The following ZRANB1 variants were observed in gnomAD, a reference collection of about 807,000 sequenced individuals.
ZRANB1 encodes zinc finger RANBP2-type containing 1.
ZRANB1 carries 16 observed loss-of-function variants against 80.5 expected under a neutral mutation model. The observed-to-expected ratio is 0.20, with a 90% CI of 0.13 to 0.30. The LOEUF (loss-of-function observed/expected upper bound fraction) is 0.30. Ranked by LOEUF, ZRANB1 falls within the 10% of genes least tolerant of loss-of-function variation. The pLI, the probability that ZRANB1 is intolerant of heterozygous loss-of-function variation, is 1.00. For synonymous variants in ZRANB1, 291 were observed against 293.1 expected, an observed-to-expected ratio of 0.99 and a Z score of 0.07; for missense variants, 576 against 862.6, an observed-to-expected ratio of 0.67 and a Z score of 4.16.
chr10:124,974,248 C>T lies in ZRANB1; in HGVS notation c.1277C>T (p.Thr426Ile). The T allele has an allele frequency of 1.9e-6, 3 of 1,614,266 alleles. No homozygotes were observed. The highest frequency in any genetic ancestry group is 2.5e-6 in the Non-Finnish European group (3 of 1,180,048). ...ATTAACTGGTCCTTGGAATTGGCTACACGTTTGGACAGTCGACTGTATGCA... is the reference window on the plus strand; with the variant it reads ...ATTAACTGGTCCTTGGAATTGGCTATACGTTTGGACAGTCGACTGTATGCA... ...PIINWSLELA[T>I]RLDSRLYALW... The change falls in exon 5 of 9, where the codon ACA becomes ATA. Residue 426 changes from threonine (T) to isoleucine (I), a missense_variant. Thr to Ile is a moderately conservative substitution (Grantham distance 89). This residue lies in a region of ZRANB1 where 411 missense variants were observed against 583.1 expected (regional missense o/e 0.70). Coordinates refer to ENST00000359653, the MANE Select transcript of ZRANB1 (RefSeq NM_017580.3).
the ZRANB1 span, among the ~76,000 whole-genome samples, chr10:124,924,194 T>A: frequency 6.6e-6 from 1 of 151,696 alleles, no homozygotes; most frequent in Non-Finnish European, 1.5e-5. Flanking sequence ...TTGATGAGCC[T>A]CCGCACCTGG....
chr10:124,976,544 CTT>C (rs1213348341), intron 5 of ZRANB1, among the ~76,000 whole-genome samples: 3 of 140,146 alleles, frequency 2.1e-5, no homozygotes, highest in Non-Finnish European at 4.6e-5. Context: ...AGCCAGTAAT[CTT>C]TTCTTTGGTG....
chr10:124,920,111 C>T, the ZRANB1 span, among the ~76,000 whole-genome samples: 130 of 151,582 alleles, frequency 8.6e-4, 1 homozygote, highest in Middle Eastern at 3.4e-3. Context: ...TTAGTAGAGA[C>T]AGGGTTTCAC....
the ZRANB1 span, among the ~76,000 whole-genome samples, chr10:124,926,874 G>A: frequency 1.3e-5 from 2 of 152,300 alleles, no homozygotes; most frequent in African/African-American, 4.8e-5. Context: ...TTTCAGCTTT[G>A]TTATATAATC....
intron 4 of ZRANB1, 100 bp downstream of exon 4, chr10:124,973,816 ATTTTT>A: frequency 1.9e-6 from 2 of 1,048,058 alleles, no homozygotes; most frequent in African/African-American, 1.6e-5. Context: ...AACTTGCTTT[ATTTTT>A]ATTTTAAATT....
At chr10:124,919,526 A>G in the ZRANB1 span, among the ~76,000 whole-genome samples, 2 of 151,624 alleles carry the variant, frequency 1.3e-5, no homozygotes, top group African/African-American at 4.8e-5. Flanking sequence ...CAGCCTGGGC[A>G]ACGGAGCAGG....
intron 1 of ZRANB1, among the ~76,000 whole-genome samples, chr10:124,952,757 C>T (rs2134257970): frequency 6.6e-6 from 1 of 152,086 alleles, no homozygotes; most frequent in South Asian, 2.1e-4. Flanking sequence ...ATTATAGGCG[C>T]CCGCCAACAT....
rs777643014 is a variant in ZRANB1, at chr10:124,942,768, T to C, written c.275T>C (p.Met92Thr). 9.3e-6 allele frequency: 15 copies of C among 1,614,114 alleles called. No individual in the cohort carries two copies. The highest frequency in any genetic ancestry group is 1.3e-5 in the African/African-American group (1 of 74,932). ...MENANKWSCH[M>T]CTYLNWPRAI... ...AATGCAAATAAGTGGTCATGCCACA[T>C]GTGTACATATTTGAACTGGCCAAGA... is the stretch of plus-strand genomic sequence containing the variant. Residue 92 changes from methionine (M) to threonine (T), a missense_variant, in exon 1 of 9, where the codon ATG becomes ACG. Met to Thr is a moderately conservative substitution (Grantham distance 81). Transcript: ENST00000359653.
rs1026419650 is a variant in ZRANB1, at chr10:124,987,881, AAAG to A, written c.*2894_*2896del. On this transcript the variant is annotated 3_prime_UTR_variant, in exon 9 of 9. Transcript: ENST00000359653. Reference sequence around the variant, plus strand: ...AGTATAAAGGTTTAATTCTATTTAAAAAGAAGATCCATTAAATCAAGCTCTTAA... The same window carrying A: ...AGTATAAAGGTTTAATTCTATTTAAAAAGATCCATTAAATCAAGCTCTTAA... 2.6e-5 allele frequency: 4 copies of A among 152,402 alleles called. No individual in the cohort carries two copies. The highest frequency in any genetic ancestry group is 3.8e-4 in the East Asian group (2 of 5,196). The allele number at this position is 152,402 out of a possible 1,614,324, so 9.4% of individuals were successfully genotyped here.
the ZRANB1 span, among the ~76,000 whole-genome samples, chr10:124,933,303 A>T: frequency 6.6e-6 from 1 of 151,080 alleles, no homozygotes; most frequent in African/African-American, 2.4e-5. Flanking sequence ...TGCCCAGCTA[A>T]TTTTTTCGTA....
the ZRANB1 span, among the ~76,000 whole-genome samples, chr10:124,930,141 A>T: frequency 6.6e-6 from 1 of 152,116 alleles, no homozygotes; most frequent in African/African-American, 2.4e-5. Context: ...GTAAGCCATT[A>T]TGGTCCCCAT....
intron 5 of ZRANB1, among the ~76,000 whole-genome samples, chr10:124,979,326 A>G (rs772908210): frequency 6.6e-6 from 1 of 152,128 alleles, no homozygotes; most frequent in African/African-American, 2.4e-5. Flanking sequence ...GCTCATTCCT[A>G]TAGCGTCTTT....
chr10:124,928,307 G>A, the ZRANB1 span, among the ~76,000 whole-genome samples: 2 of 152,322 alleles, frequency 1.3e-5, no homozygotes, highest in African/African-American at 4.8e-5. Context: ...AGGTTGGAAA[G>A]GCACTCTTAG....
the ZRANB1 span, among the ~76,000 whole-genome samples, chr10:124,927,109 C>T: frequency 1.3e-5 from 2 of 152,184 alleles, no homozygotes; most frequent in African/African-American, 2.4e-5. Flanking sequence ...GCGCCCGCCA[C>T]CTCGCCCGGC....
At chr10:124,976,131 G>T (rs1218571630) in intron 5 of ZRANB1, among the ~76,000 whole-genome samples, 1 of 152,206 alleles carries the variant, frequency 6.6e-6, no homozygotes, top group Non-Finnish European at 1.5e-5. Flanking sequence ...TGTCACTCCG[G>T]TAGTTTTAGT....
At chr10:124,929,743 C>T in the ZRANB1 span, among the ~76,000 whole-genome samples, 8 of 151,412 alleles carry the variant, frequency 5.3e-5, no homozygotes, top group African/African-American at 1.7e-4. Context: ...GTCAGGAGTT[C>T]GAGACCAGCC....
rs1171594085 is a variant in ZRANB1 at position 124,973,648 on chromosome 10, T to C, written c.1160T>C (p.Ile387Thr). Reference protein sequence around the residue: ...DLVTFTLPADIEDLPPTVQEK... With the variant: ...DLVTFTLPADTEDLPPTVQEK... The stretch of plus-strand genomic sequence containing the variant: ...TAAGTTTGCATTTTCTTTGTAGATA[T>C]TGAAGATTTGCCCCCAACAGTCCAA... The change falls in exon 4 of 9, where the codon ATT (isoleucine) becomes ACT (threonine). Residue 387 changes from isoleucine (I) to threonine (T), a missense_variant. Ile to Thr is a moderately conservative substitution (Grantham distance 89). Transcript: ENST00000359653. The C allele has an allele frequency of 1.9e-6, 3 of 1,610,100 alleles. No individual in the cohort carries two copies. The highest frequency in any genetic ancestry group is 1.7e-5 in the Admixed American group (1 of 59,026).
chr10:124,980,083 T>C (rs1222852584), intron 5 of ZRANB1, among the ~76,000 whole-genome samples: 1 of 152,224 alleles, frequency 6.6e-6, no homozygotes, highest in Non-Finnish European at 1.5e-5. Flanking sequence ...GGGATTATGA[T>C]TGGGATTGCA....
chr10:124,933,817 G>A, the ZRANB1 span, among the ~76,000 whole-genome samples: 4 of 152,156 alleles, frequency 2.6e-5, no homozygotes, highest in South Asian at 2.1e-4. Flanking sequence ...TATTACACCC[G>A]CTCACTTTCT....
Sources: allele counts gnomAD v4.1 joint callset (sites outside exome capture counted in the v4.1 genomes callset), GRCh38; gene constraint gnomAD v4.1.1; regional missense constraint gnomAD v4.1.1; transcripts MANE v1.5; gene names NCBI Gene and HGNC (gene_info 2026-07-23, HGNC 2026-07-21).